Variants in FUT2 observed in about 807,000 individuals in gnomAD.
The protein encoded by FUT2 is galactoside alpha-(1,2)-fucosyltransferase 2.
For synonymous variants in FUT2, 182 were observed against 193.1 expected, an observed-to-expected ratio of 0.94 and a Z score of 0.48; for missense variants, 419 against 465.8, an observed-to-expected ratio of 0.90 and a Z score of 0.93.
intron 1 of FUT2, among the ~76,000 whole-genome samples, chr19:48,702,397 A>T (rs978262443): frequency 5.3e-5 from 8 of 151,976 alleles, no homozygotes; most frequent in Non-Finnish European, 7.3e-5. Flanking sequence ...GCAGAGCAAG[A>T]TCCTGTCTCA....
In FUT2 at chr19:48,704,314, C is replaced by G; in HGVS notation, c.*326C>G. 1 of 390,130 alleles carries G rather than the reference C, an allele frequency of 2.6e-6. No homozygotes were observed. Among genetic ancestry groups the G allele is most frequent in the Non-Finnish European group, 4.8e-6 (1 of 207,282 alleles). The allele number at this position is 390,130 out of a possible 1,614,324, so 24.2% of individuals were successfully genotyped here. Reference sequence around the variant, plus strand: ...GTGCACACCTGTAATCCCAGCTACTCGGGAGGCTGAGGCAAGAGAATCACT... The same window carrying G: ...GTGCACACCTGTAATCCCAGCTACTGGGGAGGCTGAGGCAAGAGAATCACT... On this transcript the variant is annotated 3_prime_UTR_variant, in exon 2 of 2. Coordinates refer to ENST00000425340, the MANE Select transcript of FUT2 (RefSeq NM_000511.6).
At position 48,703,393 on chromosome 19, in the gene FUT2, G is replaced by C. The variant is rs781148116; in HGVS notation, c.437G>C (p.Arg146Pro). 6.2e-7 allele frequency: 1 copy of C among 1,612,946 alleles called. No individual in the cohort carries two copies. Among genetic ancestry groups the C allele is most frequent in the African/African-American group, 1.3e-5 (1 of 74,910 alleles). ...CGCCACATCCCGGGGGAGTACGTCC[G>C]CTTCACCGGCTACCCCTGCTCCTGG... ...EYRHIPGEYV[R>P]FTGYPCSWTF... Residue 146 changes from arginine to proline, a missense_variant, in exon 2 of 2, where the codon CGC becomes CCC. By Grantham distance (103) the Arg-to-Pro change is moderately radical. Transcript: ENST00000425340.
rs764196118 is a variant in FUT2 at position 48,705,111 on chromosome 19, CTTT to C, written c.*1138_*1140del. 1.2e-3 allele frequency: 160 copies of C among 138,966 alleles called. No homozygotes were observed. Among genetic ancestry groups the C allele is most frequent in the East Asian group, 5.2e-3 (48 of 9,242 alleles). The allele number at this position is 138,966 out of a possible 1,614,324, so 8.6% of individuals were successfully genotyped here. ...CACTGTTTTCTTTTCTTTTTCTTTTCTTTTTTTTTTTTTTTTTGAGATGGAGTC... is the reference window on the plus strand; with the variant it reads ...CACTGTTTTCTTTTCTTTTTCTTTTCTTTTTTTTTTTTTTGAGATGGAGTC... On this transcript the variant is annotated 3_prime_UTR_variant, in exon 2 of 2. Coordinates refer to ENST00000425340, the MANE Select transcript of FUT2 (RefSeq NM_000511.6).
chr19:48,698,482 G>A (rs2032454022), intron 1 of FUT2, among the ~76,000 whole-genome samples: 1 of 151,886 alleles, frequency 6.6e-6, no homozygotes, highest in Non-Finnish European at 1.5e-5. Context: ...CCAGGCTGGA[G>A]TGCAGCTGTA....
chr19:48,697,758 A>G lies in FUT2; in HGVS notation c.-3+1669A>G, dbSNP rs575141882. Among the ~76,000 whole-genome samples the G allele has an allele frequency of 2.6e-5, 4 of 151,990 alleles. 1 individual carries two copies. The South Asian group carries it at 6.3e-4, about 24-fold the overall frequency. On this transcript the variant is annotated intron_variant, in intron 1 of 1. Transcript: ENST00000425340. ...TGCCCAGGCTGGCATGCAATGGTAC[A>G]ATCTCGGCTCACTGCAACCTCCGCC...
intron 1 of FUT2, chr19:48,696,789 C>T (rs1388464991): frequency 6.6e-6 from 1 of 152,480 alleles, no homozygotes; most frequent in Non-Finnish European, 1.5e-5. Context: ...ATGTGCTGAG[C>T]TGCCCGGGGC....
In FUT2 at chr19:48,705,877, C is replaced by T. The variant is rs2032633194; in HGVS notation, c.*1889C>T. 6.0e-6 allele frequency: 1 copy of T among 166,516 alleles called. No homozygotes were observed. 10.3% of individuals were successfully genotyped at this position (166,516 alleles called of 1,614,324 possible). ...TTGCGAATAGCCACTGCACTGCGGC[C>T]TGGACGACGTAGTGATACCCTGACT... On this transcript the variant is annotated 3_prime_UTR_variant, in exon 2 of 2. Transcript: ENST00000425340.
In FUT2 at chr19:48,703,378, C is replaced by A; in HGVS notation, c.422C>A (p.Pro141Gln). The change falls in exon 2 of 2, where the codon CCG becomes CAG. Residue 141 changes from proline (P) to glutamine (Q), a missense_variant. By Grantham distance (76) the Pro-to-Gln change is moderately conservative. Transcript: ENST00000425340. ...DWMEEEYRHI[P>Q]GEYVRFTGYP... Reference sequence around the variant, plus strand: ...ATGGAGGAGGAATACCGCCACATCCCGGGGGAGTACGTCCGCTTCACCGGC... The same window carrying A: ...ATGGAGGAGGAATACCGCCACATCCAGGGGGAGTACGTCCGCTTCACCGGC... 1 of 1,613,084 alleles carries A rather than the reference C, an allele frequency of 6.2e-7. No homozygotes were observed. The highest frequency in any genetic ancestry group is 8.5e-7 in the Non-Finnish European group (1 of 1,179,970).
rs201288465 is a variant in FUT2 at position 48,703,227 on chromosome 19, C to G, written c.271C>G (p.Arg91Gly). Reference sequence around the variant, plus strand: ...GTACGCCCTGGCCAAGATGAACGGGCGGCCCGCCTTCATCCCGGCCCAGAT... The same window carrying G: ...GTACGCCCTGGCCAAGATGAACGGGGGGCCCGCCTTCATCCCGGCCCAGAT... Reference protein sequence around the residue: ...TLYALAKMNGRPAFIPAQMHS... With the variant: ...TLYALAKMNGGPAFIPAQMHS... Residue 91 changes from arginine (R) to glycine (G), a missense_variant, in exon 2 of 2, where the codon CGG becomes GGG. Coordinates refer to ENST00000425340, the MANE Select transcript of FUT2 (RefSeq NM_000511.6). The G allele has an allele frequency of 1.2e-6, 2 of 1,613,034 alleles. No individual in the cohort carries two copies. The highest frequency in any genetic ancestry group is 2.2e-5 in the South Asian group (2 of 90,592).
intron 1 of FUT2, among the ~76,000 whole-genome samples, chr19:48,701,273 A>G (rs528782184): frequency 2.6e-5 from 4 of 151,560 alleles, no homozygotes; most frequent in East Asian, 3.9e-4. Context: ...CAGCCTCCCG[A>G]GTTCAAGCAA....
Position 48,703,736 on chromosome 19 carries a change from G to A in FUT2, c.780G>A (p.Val260=). The A allele has an allele frequency of 6.2e-7, 1 of 1,613,352 alleles. No individual in the cohort carries two copies. Among genetic ancestry groups the A allele is most frequent in the Non-Finnish European group, 8.5e-7 (1 of 1,179,780 alleles). ...ACATTGACACCTCCCACGGTGATGT[G>A]GTGTTTGCTGGCGATGGCATTGAGG... ...RENIDTSHGD[V]VFAGDGIEGS... Residue 260 remains valine, a synonymous_variant, in exon 2 of 2, where the codon GTG becomes GTA. Coordinates refer to ENST00000425340, the MANE Select transcript of FUT2 (RefSeq NM_000511.6).
chr19:48,704,095 T>C lies in FUT2; in HGVS notation c.*107T>C. The C allele has an allele frequency of 1.9e-6, 2 of 1,069,334 alleles. No homozygotes were observed. The highest frequency in any genetic ancestry group is 2.9e-6 in the Non-Finnish European group (2 of 696,838). 66.2% of individuals were successfully genotyped at this position (1,069,334 alleles called of 1,614,324 possible). ...ATGAGCAGGACCCATCTCTCTTCTG[T>C]GAAGATGCGTTGGGCTGCAAGTAAC... On this transcript the variant is annotated 3_prime_UTR_variant, in exon 2 of 2. Coordinates refer to ENST00000425340, the MANE Select transcript of FUT2 (RefSeq NM_000511.6).
chr19:48,705,081 G>C lies in FUT2; in HGVS notation c.*1093G>C. ...GTCCTTGGCATTGTGTCCACCCAGA[G>C]AGCTCACTGTTTTCTTTTCTTTTTC... is the stretch of plus-strand genomic sequence containing the variant. On this transcript the variant is annotated 3_prime_UTR_variant, in exon 2 of 2. Transcript: ENST00000425340. 1 of 295,922 alleles carries C rather than the reference G, an allele frequency of 3.4e-6. No homozygotes were observed. Among genetic ancestry groups the C allele is most frequent in the Non-Finnish European group, 6.5e-6 (1 of 153,870 alleles). 18.3% of individuals were successfully genotyped at this position (295,922 alleles called of 1,614,324 possible).
At position 48,703,801 on chromosome 19, in the gene FUT2, A is replaced by C; in HGVS notation, c.845A>C (p.Asn282Thr). 6.2e-7 allele frequency: 1 copy of C among 1,613,602 alleles called. No individual in the cohort carries two copies. Among genetic ancestry groups the C allele is most frequent in the South Asian group, 1.1e-5 (1 of 90,614 alleles). ...GATTTTGCTCTACTCACACAGTGTA[A>C]CCACACCATCATGACCATTGGGACG... ...AKDFALLTQC[N>T]HTIMTIGTFG... is the part of the protein sequence containing the mutation. Residue 282 changes from asparagine to threonine, a missense_variant, in exon 2 of 2, where the codon AAC (asparagine) becomes ACC (threonine). Physicochemically the swap from Asn to Thr is moderately conservative, Grantham distance 65. Transcript: ENST00000425340.
rs2032594715 is a variant in FUT2 at position 48,704,390 on chromosome 19, CCA to C, written c.*403_*404del. ...TGAGCCAAGATGGTGCCGCTGCACT[CCA>C]GTCTGGGTGACACAGCAAGACTCCA... On this transcript the variant is annotated 3_prime_UTR_variant, in exon 2 of 2. Transcript: ENST00000425340. 1 of 309,062 alleles carries C rather than the reference CCA, an allele frequency of 3.2e-6. No individual in the cohort carries two copies. Among genetic ancestry groups the C allele is most frequent in the Admixed American group, 4.7e-5 (1 of 21,276 alleles). The allele number at this position is 309,062 out of a possible 1,614,324, so 19.1% of individuals were successfully genotyped here. A position where few individuals can be genotyped will look rare whatever the true frequency, so the allele number is the denominator to read the frequency against.
intron 1 of FUT2, among the ~76,000 whole-genome samples, chr19:48,702,320 T>C (rs771552077): frequency 5.9e-5 from 9 of 151,964 alleles, no homozygotes; most frequent in Non-Finnish European, 7.4e-5. Flanking sequence ...GGCAGGAGGA[T>C]TGCTTGAGCC....
At position 48,703,869 on chromosome 19, in the gene FUT2, T is replaced by C. The variant is rs916106939; in HGVS notation, c.913T>C (p.Tyr305His). Residue 305 changes from tyrosine to histidine, a missense_variant, in exon 2 of 2, where the codon TAC becomes CAC. Coordinates refer to ENST00000425340, the MANE Select transcript of FUT2 (RefSeq NM_000511.6). ...ATACCTCACGGGCGGAGACACCATC[T>C]ACCTGGCCAATTACACCCTCCCCGA... ...AAYLTGGDTIYLANYTLPDSP... is the reference protein window; with the variant it reads ...AAYLTGGDTIHLANYTLPDSP... 8 of 1,613,656 alleles carry C rather than the reference T, an allele frequency of 5.0e-6. No homozygotes were observed. Among genetic ancestry groups the C allele is most frequent in the Admixed American group, 1.7e-5 (1 of 60,014 alleles).
intron 1 of FUT2, among the ~76,000 whole-genome samples, chr19:48,701,614 T>C (rs1247546448): frequency 6.6e-6 from 1 of 152,062 alleles, no homozygotes; most frequent in African/African-American, 2.4e-5. Context: ...GGTGGACAAT[T>C]TCCCTTCAAA....
At chr19:48,701,306 G>A (rs1411815812) in intron 1 of FUT2, among the ~76,000 whole-genome samples, 3 of 151,852 alleles carry the variant, frequency 2.0e-5, no homozygotes, top group African/African-American at 7.2e-5. Flanking sequence ...AGCCTCCCGA[G>A]TAGCTGGGAT....
Sources: allele counts gnomAD v4.1 joint callset (sites outside exome capture counted in the v4.1 genomes callset), GRCh38; gene constraint gnomAD v4.1.1; transcripts MANE v1.5; gene names NCBI Gene and HGNC (gene_info 2026-07-23, HGNC 2026-07-21).